NAA15: variants seen among roughly 807,000 people sequenced by gnomAD.
The protein encoded by NAA15 is N-alpha-acetyltransferase 15, NatA auxiliary subunit, also known as N-terminal acetyltransferase.
A neutral mutation model predicts 114.0 loss-of-function variants in NAA15; 34 were observed. The ratio of observed to expected loss-of-function variants is 0.30; its 90% confidence interval spans 0.23 to 0.40. NAA15 has a LOEUF of 0.40. Among genes scored for constraint, NAA15 ranks in the 10% least tolerant of loss-of-function variants. NAA15 has a pLI of 1.00. For synonymous variants in NAA15, 340 were observed against 338.0 expected, an observed-to-expected ratio of 1.01 and a Z score of -0.06; for missense variants, 658 against 1,004.5, an observed-to-expected ratio of 0.66 and a Z score of 4.66.
In NAA15 at chr4:139,336,972, T is replaced by G. The variant is rs781277013; in HGVS notation, c.244+20T>G. On this transcript the variant is annotated intron_variant, in intron 3 of 19. Coordinates refer to ENST00000296543, the MANE Select transcript of NAA15 (RefSeq NM_057175.5). ...ATGTGTGTATCCTTTTTGAGATATA[T>G]TTAAGGTTTGAGTGGGGTGTTTTGA... is the stretch of plus-strand genomic sequence containing the variant. 1 of 1,525,252 alleles carries G rather than the reference T, an allele frequency of 6.6e-7. No individual in the cohort carries two copies. The highest frequency in any genetic ancestry group is 1.3e-5 in the South Asian group (1 of 78,958). 94.5% of individuals were successfully genotyped at this position (1,525,252 alleles called of 1,614,324 possible). A position where few individuals can be genotyped will look rare whatever the true frequency, so the allele number is the denominator to read the frequency against.
intron 13 of NAA15, among the ~76,000 whole-genome samples, chr4:139,361,310 C>T (rs1748124813): frequency 6.6e-6 from 1 of 151,036 alleles, no homozygotes; most frequent in African/African-American, 2.4e-5. Context: ...TTTGTATCCT[C>T]AAAAAAAAAT....
intron 6 of NAA15, among the ~76,000 whole-genome samples, chr4:139,347,017 C>T (rs1052712975): frequency 1.3e-5 from 2 of 151,962 alleles, no homozygotes; most frequent in Admixed American, 6.6e-5. Context: ...AAATGATCCT[C>T]CCCCCAAACC....
At chr4:139,333,210 A>T (rs1747083483) in intron 1 of NAA15, among the ~76,000 whole-genome samples, 1 of 152,106 alleles carries the variant, frequency 6.6e-6, no homozygotes, top group South Asian at 2.1e-4. Flanking sequence ...CGCATGTAGA[A>T]CCCATGGATA....
At chr4:139,304,385 C>T (rs11729130) in intron 1 of NAA15, among the ~76,000 whole-genome samples, 54,133 of 152,168 alleles carry the variant, frequency 0.36, 11,365 homozygotes, top group East Asian at 0.5. Flanking sequence ...CAGTCTTATT[C>T]AGATTTCCCC....
At chr4:139,315,174 A>G (rs1440902098) in intron 1 of NAA15, among the ~76,000 whole-genome samples, 1 of 151,740 alleles carries the variant, frequency 6.6e-6, no homozygotes, top group Non-Finnish European at 1.5e-5. Context: ...AGCTTTTGAT[A>G]GAGGCTAATT....
chr4:139,342,049 T>C (rs1747419067), intron 4 of NAA15, among the ~76,000 whole-genome samples: 1 of 152,194 alleles, frequency 6.6e-6, no homozygotes, highest in African/African-American at 2.4e-5. Context: ...TTCTTCTTTC[T>C]ACCTCCACTG....
intron 17 of NAA15, among the ~76,000 whole-genome samples, chr4:139,379,880 C>T (rs925448746): frequency 2.0e-5 from 3 of 152,094 alleles, no homozygotes; most frequent in Non-Finnish European, 2.9e-5. Flanking sequence ...CCCGTCTCTA[C>T]CAAAAAATAC....
chr4:139,377,650 T>G (rs1748627832), intron 16 of NAA15, among the ~76,000 whole-genome samples: 1 of 152,192 alleles, frequency 6.6e-6, no homozygotes, highest in Non-Finnish European at 1.5e-5. Context: ...ATTTTATTAA[T>G]ATATTTACAT....
intron 3 of NAA15, among the ~76,000 whole-genome samples, chr4:139,338,025 T>G (rs1430265159): frequency 6.6e-6 from 1 of 152,230 alleles, no homozygotes; most frequent in East Asian, 1.9e-4. Context: ...TGCCAATGTT[T>G]TATTATGATT....
intron 15 of NAA15, among the ~76,000 whole-genome samples, chr4:139,372,467 T>C (rs1444599710): frequency 6.6e-6 from 1 of 152,190 alleles, no homozygotes; most frequent in Non-Finnish European, 1.5e-5. Flanking sequence ...TGGAAGAAGC[T>C]TAGTGCAAGG....
Position 139,389,734 on chromosome 4 carries a change from T to C in NAA15, c.*1650T>C, listed in dbSNP as rs140880536. On this transcript the variant is annotated 3_prime_UTR_variant, in exon 20 of 20. Coordinates refer to ENST00000296543, the MANE Select transcript of NAA15 (RefSeq NM_057175.5). ...ATAATTGACCTTTTTGTGGAACATG[T>C]AGTTTATAGAAAGTATACTCTAAAG... 17 of 152,732 alleles carry C rather than the reference T, an allele frequency of 1.1e-4. No homozygotes were observed. In the East Asian group the frequency reaches 3.1e-3, roughly 28 times the overall value. 9.5% of individuals were successfully genotyped at this position (152,732 alleles called of 1,614,324 possible).
chr4:139,364,636 A>G (rs1215680068), intron 14 of NAA15, among the ~76,000 whole-genome samples: 4 of 152,238 alleles, frequency 2.6e-5, no homozygotes, highest in Non-Finnish European at 2.9e-5. Flanking sequence ...TATATTAAAG[A>G]TATGATTAAA....
chr4:139,302,843 T>G (rs114941285), intron 1 of NAA15, among the ~76,000 whole-genome samples: 84 of 152,360 alleles, frequency 5.5e-4, no homozygotes, highest in African/African-American at 2.0e-3. Context: ...GAGCTATAAT[T>G]AACACATTGT....
chr4:139,302,793 C>T (rs1745850337), intron 1 of NAA15, among the ~76,000 whole-genome samples: 1 of 152,176 alleles, frequency 6.6e-6, no homozygotes. Flanking sequence ...TTGATGTTTG[C>T]AGGGACTGTT....
intron 1 of NAA15, among the ~76,000 whole-genome samples, chr4:139,329,522 G>A (rs140197995): frequency 2.3e-3 from 355 of 152,216 alleles, no homozygotes; most frequent in Non-Finnish European, 3.7e-3. Context: ...GTTTGTTAGG[G>A]TGGGTCTAAA....
chr4:139,369,737 C>CAAAAA (rs1247894181), intron 14 of NAA15, among the ~76,000 whole-genome samples: 1 of 79,242 alleles, frequency 1.3e-5, no homozygotes, highest in Non-Finnish European at 2.5e-5. Flanking sequence ...GACTCCGTCT[C>CAAAAA]AAAAAAAAAA....
At chr4:139,318,129 A>G (rs374387341) in intron 1 of NAA15, among the ~76,000 whole-genome samples, 37 of 152,348 alleles carry the variant, frequency 2.4e-4, no homozygotes, top group African/African-American at 6.7e-4. Context: ...ATAAAGACCA[A>G]TGACGCCCTA....
chr4:139,306,022 T>C (rs1458306032), intron 1 of NAA15, among the ~76,000 whole-genome samples: 1 of 152,172 alleles, frequency 6.6e-6, no homozygotes, highest in Non-Finnish European at 1.5e-5. Context: ...AATTTTAGAG[T>C]TTCTGCAGTG....
intron 14 of NAA15, among the ~76,000 whole-genome samples, chr4:139,363,995 CT>C (rs1748207236): frequency 6.6e-6 from 1 of 152,244 alleles, no homozygotes; most frequent in Admixed American, 6.5e-5. Flanking sequence ...GTCCTCTCAA[CT>C]CAGCCTCCTG....
Sources: gnomAD v4.1 joint callset for allele counts (sites outside exome capture counted in the v4.1 genomes callset) on GRCh38, gnomAD v4.1.1 for gene constraint, MANE v1.5 for transcripts, NCBI Gene and HGNC (gene_info 2026-07-23, HGNC 2026-07-21) for gene names.